FAT4: variants seen among roughly 807,000 people sequenced by gnomAD.
The protein encoded by FAT4 is protocadherin Fat 4.
FAT4 carries 84 observed loss-of-function variants against 303.9 expected under a neutral mutation model. That is an observed-to-expected ratio of 0.28 (90% confidence interval 0.23 to 0.33). The LOEUF (loss-of-function observed/expected upper bound fraction) is 0.33, where lower values mean the gene tolerates loss of function less well. Among genes scored for constraint, FAT4 ranks in the 10% least tolerant of loss-of-function variants. The probability of loss-of-function intolerance (pLI) is 1.00; values close to 1 mark genes in which losing one functional copy is unlikely to be tolerated. For missense variants in FAT4, 6,005 were observed against 6,146.8 expected, an observed-to-expected ratio of 0.98 and a Z score of 0.77; for synonymous variants, 2,307 against 2,298.8, an observed-to-expected ratio of 1.00 and a Z score of -0.10.
chr4:125,487,381 G>A lies in FAT4; in HGVS notation c.12859G>A (p.Gly4287Arg), dbSNP rs1449557636. 3 of 1,613,796 alleles carry A rather than the reference G, an allele frequency of 1.9e-6. No individual in the cohort carries two copies. Among genetic ancestry groups the A allele is most frequent in the Non-Finnish European group, 2.5e-6 (3 of 1,179,774 alleles). Residue 4287 changes from glycine (G) to arginine (R), a missense_variant, in exon 17 of 18, where the codon GGA (glycine) becomes AGA (arginine). Physicochemically the swap from Gly to Arg is moderately radical, Grantham distance 125 (BLOSUM62 -2). Coordinates refer to ENST00000394329, the MANE Select transcript of FAT4 (RefSeq NM_001291303.3). Reference protein sequence around the residue: ...NGKVYFTSDAGIAGKVERNIP... With the variant: ...NGKVYFTSDARIAGKVERNIP... Reference sequence around the variant, plus strand: ...CAAAGTATATTTTACATCCGATGCAGGAATTGCTGGGAAAGTGGAGAGAAA... The same window carrying A: ...CAAAGTATATTTTACATCCGATGCAAGAATTGCTGGGAAAGTGGAGAGAAA...
intron 2 of FAT4, among the ~76,000 whole-genome samples, chr4:125,340,296 A>C (rs1418624084): frequency 4.6e-5 from 7 of 152,246 alleles, no homozygotes; most frequent in Non-Finnish European, 7.3e-5. Context: ...ACTTTTCAGA[A>C]GATTTCATGA....
At chr4:125,381,888 A>C (rs1188100197) in intron 2 of FAT4, among the ~76,000 whole-genome samples, 1 of 152,202 alleles carries the variant, frequency 6.6e-6, no homozygotes, top group Admixed American at 6.5e-5. Flanking sequence ...TGTCATTTCA[A>C]CGGTATTTAC....
chr4:125,449,072 A>G lies in FAT4; in HGVS notation c.8062A>G (p.Lys2688Glu), dbSNP rs368445220. 42 of 1,613,846 alleles carry G rather than the reference A, an allele frequency of 2.6e-5. No individual in the cohort carries two copies. The highest frequency in any genetic ancestry group is 3.2e-5 in the Non-Finnish European group (38 of 1,179,906). ...SEILENLSPR[K>E]ILTVSAMDKD... ...AATATTGGAAAACCTTTCCCCTCGA[A>G]AAATACTTACTGTTTCGGCAATGGA... The change falls in exon 10 of 18, where the codon AAA becomes GAA. Residue 2688 changes from lysine (K) to glutamate (E), a missense_variant. Lys to Glu is a moderately conservative substitution (Grantham distance 56). Coordinates refer to ENST00000394329, the MANE Select transcript of FAT4 (RefSeq NM_001291303.3).
chr4:125,450,014 A>G lies in FAT4; in HGVS notation c.9004A>G (p.Thr3002Ala), dbSNP rs2126058899. The change falls in exon 10 of 18, where the codon ACG becomes GCG. Residue 3002 changes from threonine (T) to alanine (A), a missense_variant. Coordinates refer to ENST00000394329, the MANE Select transcript of FAT4 (RefSeq NM_001291303.3). ...AGTCACCAAAAATGTTAAGGTTGGT[A>G]CGAAGTTAATCAGAGTTACAGCAAT... Reference protein sequence around the residue: ...TPVTKNVKVGTKLIRVTAIDD... With the variant: ...TPVTKNVKVGAKLIRVTAIDD... The G allele has an allele frequency of 6.2e-7, 1 of 1,613,984 alleles. No individual in the cohort carries two copies. The highest frequency in any genetic ancestry group is 2.2e-5 in the East Asian group (1 of 44,860).
At chr4:125,355,124 AT>A (rs1167790113) in intron 2 of FAT4, among the ~76,000 whole-genome samples, 2 of 151,950 alleles carry the variant, frequency 1.3e-5, no homozygotes, top group Non-Finnish European at 2.9e-5. Context: ...AGCCAATTTA[AT>A]TTTAGAGAAC....
In FAT4 at chr4:125,434,405, T is replaced by G; in HGVS notation, c.7179T>G (p.Ala2393=). 1 of 1,614,022 alleles carries G rather than the reference T, an allele frequency of 6.2e-7. No individual in the cohort carries two copies. Among genetic ancestry groups the G allele is most frequent in the Non-Finnish European group, 8.5e-7 (1 of 1,179,934 alleles). Residue 2393 remains alanine, a synonymous_variant, in exon 8 of 18, where the codon GCT becomes GCG. Coordinates refer to ENST00000394329, the MANE Select transcript of FAT4 (RefSeq NM_001291303.3). ...VLLVNASDAD[A]SKNAVISYRI... The stretch of plus-strand genomic sequence containing the variant: ...TGGTAAATGCCTCAGATGCTGATGC[T>G]TCAAAGAATGCAGTTATAAGGTCAG...
intron 9 of FAT4, 135 bp from the exon 10 acceptor site, chr4:125,448,326 T>A (rs766438291): frequency 1.4e-4 from 109 of 781,404 alleles, no homozygotes; most frequent in Non-Finnish European, 1.9e-4. Flanking sequence ...ATATAGGAGA[T>A]ACTGTTCTCC....
rs750530580 is a variant in FAT4 at position 125,316,934 on chromosome 4, C to G, written c.523C>G (p.Arg175Gly). The change falls in exon 2 of 18, where the codon CGC becomes GGC. Residue 175 changes from arginine to glycine, a missense_variant. Coordinates refer to ENST00000394329, the MANE Select transcript of FAT4 (RefSeq NM_001291303.3). The surrounding 1 kb of genome is among the most constrained non-coding windows in gnomAD (Gnocchi z 5.7). ...AAACGGTGTGGACCACCGCTCCTACCGCATCATCCGCGGCAATGAGGCGGG... is the reference window on the plus strand; with the variant it reads ...AAACGGTGTGGACCACCGCTCCTACGGCATCATCCGCGGCAATGAGGCGGG... The part of the protein sequence containing the change: ...GSNGVDHRSY[R>G]IIRGNEAGRF... 2.4e-5 allele frequency: 39 copies of G among 1,613,958 alleles called. No homozygotes were observed. Among genetic ancestry groups the G allele is most frequent in the South Asian group, 1.8e-4 (16 of 91,082 alleles).
chr4:125,433,441 C>G (rs1055190808), intron 7 of FAT4, among the ~76,000 whole-genome samples: 19 of 152,166 alleles, frequency 1.2e-4, no homozygotes, highest in Admixed American at 1.2e-3. Context: ...ACACAACCAA[C>G]AGCAGATAAT....
chr4:125,384,195 G>A (rs1383670650), intron 2 of FAT4, among the ~76,000 whole-genome samples: 1 of 152,068 alleles, frequency 6.6e-6, no homozygotes, highest in African/African-American at 2.4e-5. Context: ...TCCTATGACT[G>A]GAATTACAAG....
intron 2 of FAT4, among the ~76,000 whole-genome samples, chr4:125,332,060 C>T (rs1292845835): frequency 6.6e-6 from 1 of 151,976 alleles, no homozygotes; most frequent in Non-Finnish European, 1.5e-5. Context: ...TTTATTAGTG[C>T]TCTTCCCCTT....
chr4:125,440,651 T>G (rs146808520), intron 8 of FAT4, among the ~76,000 whole-genome samples: 754 of 52,234 alleles, frequency 0.014, 4 homozygotes, highest in African/African-American at 0.042. Flanking sequence ...GAGAATTTAT[T>G]CCATTGCTGC....
rs1341896601 is a variant in FAT4 at position 125,452,334 on chromosome 4, A to G, written c.11324A>G (p.Tyr3775Cys). 2.5e-6 allele frequency: 4 copies of G among 1,614,222 alleles called. No individual in the cohort carries two copies. The highest frequency in any genetic ancestry group is 3.4e-6 in the Non-Finnish European group (4 of 1,180,034). ...LAAVKRNHNQ[Y>C]VNPSGVATFF... ...GCTGTGAAGCGAAATCATAATCAGTATGTGAATCCCAGTGGCGTAGCCACC... is the reference window on the plus strand; with the variant it reads ...GCTGTGAAGCGAAATCATAATCAGTGTGTGAATCCCAGTGGCGTAGCCACC... Residue 3775 changes from tyrosine to cysteine, a missense_variant, in exon 10 of 18, where the codon TAT becomes TGT. Tyr to Cys is a radical substitution (Grantham distance 194, BLOSUM62 -2). Coordinates refer to ENST00000394329, the MANE Select transcript of FAT4 (RefSeq NM_001291303.3).
chr4:125,324,252 A>T (rs977330293), intron 2 of FAT4, among the ~76,000 whole-genome samples: 1 of 152,200 alleles, frequency 6.6e-6, no homozygotes, highest in African/African-American at 2.4e-5. Flanking sequence ...CAAAAAATAG[A>T]TATATGTACT....
At chr4:125,487,783 T>C (rs895060750) in intron 17 of FAT4, among the ~76,000 whole-genome samples, 177 bp downstream of exon 17, 2 of 152,210 alleles carry the variant, frequency 1.3e-5, no homozygotes, top group Non-Finnish European at 2.9e-5. Flanking sequence ...CAATTATAAA[T>C]ATCCTAAGAA....
At position 125,446,341 on chromosome 4, in the gene FAT4, A is replaced by G. The variant is rs760436638; in HGVS notation, c.7248A>G (p.Thr2416=). The change falls in exon 9 of 18, where the codon ACA becomes ACG. Residue 2416 remains threonine, a synonymous_variant. Coordinates refer to ENST00000394329, the MANE Select transcript of FAT4 (RefSeq NM_001291303.3). ...CTCAGTTCACGATCAACCCATCGAC[A>G]GGACAAATCATCACCAGCGCATTGT... ...GNSQFTINPS[T]GQIITSALLD... is the part of the protein sequence containing the mutation. 3 of 1,613,314 alleles carry G rather than the reference A, an allele frequency of 1.9e-6. No individual in the cohort carries two copies. The Admixed American group carries it at 5.0e-5, about 27-fold the overall frequency.
chr4:125,407,508 A>G (rs1734664776), intron 4 of FAT4, among the ~76,000 whole-genome samples: 1 of 152,088 alleles, frequency 6.6e-6, no homozygotes, highest in African/African-American at 2.4e-5. Flanking sequence ...AACTGTGAAT[A>G]TTGATTCTAA....
rs1218005693 is a variant in FAT4 at position 125,434,327 on chromosome 4, A to G, written c.7101A>G (p.Lys2367=). 4 of 1,614,074 alleles carry G rather than the reference A, an allele frequency of 2.5e-6. No homozygotes were observed. The highest frequency in any genetic ancestry group is 2.5e-6 in the Non-Finnish European group (3 of 1,179,956). The change falls in exon 8 of 18, where the codon AAA becomes AAG. Residue 2367 remains lysine (K), a synonymous_variant. Coordinates refer to ENST00000394329, the MANE Select transcript of FAT4 (RefSeq NM_001291303.3). ...VNDNVPTFAS[K]AYFTTIPEDA... ...ACAATGTCCCCACATTTGCCAGTAA[A>G]GCGTATTTCACAACAATTCCTGAGG... is the stretch of plus-strand genomic sequence containing the variant.
rs1248289171 is a variant in FAT4, at chr4:125,316,738, G to A, written c.327G>A (p.Val109=). The A allele has an allele frequency of 2.5e-6, 4 of 1,613,848 alleles. No individual in the cohort carries two copies. ...TGCCCAGCGACGTGATCAACCTGGTGGTCCTTTCCAGCGCGCCCACCTACC... is the reference window on the plus strand; with the variant it reads ...TGCCCAGCGACGTGATCAACCTGGTAGTCCTTTCCAGCGCGCCCACCTACC... ...ESLPSDVINL[V]VLSSAPTYPT... Residue 109 remains valine, a synonymous_variant, in exon 2 of 18, where the codon GTG becomes GTA. Transcript: ENST00000394329. The surrounding 1 kb of genome is among the most constrained non-coding windows in gnomAD (Gnocchi z 5.7).
Sources: gnomAD v4.1 joint callset for allele counts (sites outside exome capture counted in the v4.1 genomes callset) on GRCh38, gnomAD v4.1.1 for gene constraint, Gnocchi (gnomAD v3.1) non-coding constraint, MANE v1.5 for transcripts, NCBI Gene and HGNC (gene_info 2026-07-23, HGNC 2026-07-21) for gene names.